The following ARFGAP1 variants were observed in gnomAD, a reference collection of about 807,000 sequenced individuals.
ARFGAP1 encodes ADP-ribosylation factor GTPase-activating protein 1.
Under a neutral mutation model 54.0 loss-of-function variants are expected in ARFGAP1, and 26 were observed. The ratio of observed to expected loss-of-function variants is 0.48; its 90% CI spans 0.35 to 0.67. The LOEUF is 0.67. ARFGAP1 is among the 30% of genes least tolerant of loss of function. ARFGAP1 has a pLI of 0.00. For missense variants in ARFGAP1, 525 were observed against 535.8 expected, an observed-to-expected ratio of 0.98 and a Z score of 0.20; for synonymous variants, 248 against 211.9, an observed-to-expected ratio of 1.17 and a Z score of -1.48.
intron 6 of ARFGAP1, chr20:63,278,608 T>G (rs2067294694): frequency 2.0e-6 from 1 of 494,382 alleles, no homozygotes; most frequent in South Asian, 2.6e-5. Context: ...TATAAATGAA[T>G]TTTTATCCCC....
intron 7 of ARFGAP1, 57 bp downstream of exon 7, chr20:63,279,052 G>A (rs938719675): frequency 7.0e-5 from 109 of 1,555,302 alleles, no homozygotes; most frequent in African/African-American, 2.0e-4. Context: ...CTGAGGGCAC[G>A]ACGGGCCATA....
Position 63,286,351 on chromosome 20 carries a change from C to CCCG in ARFGAP1, c.835-14_835-12dup. The CCCG allele has an allele frequency of 1.2e-6, 2 of 1,613,094 alleles. No homozygotes were observed. Among genetic ancestry groups the CCCG allele is most frequent in the Non-Finnish European group, 1.7e-6 (2 of 1,179,862 alleles). The stretch of plus-strand genomic sequence containing the variant: ...CGACAGGGCCTGCCTAACCTCTCTT[C>CCCG]CCGTCTCCTTCCAGGTCCAGGGAGT... On this transcript the variant is annotated splice_polypyrimidine_tract_variant and intron_variant, in intron 11 of 12. Coordinates refer to ENST00000370283, the MANE Select transcript of ARFGAP1 (RefSeq NM_018209.4).
At chr20:63,287,506 T>C in intron 12 of ARFGAP1, 58 bp from the exon 13 acceptor site, 1 of 1,485,042 alleles carries the variant, frequency 6.7e-7, no homozygotes, top group South Asian at 1.3e-5. Flanking sequence ...GGGCACAGAA[T>C]TCCCAGTGGT....
In ARFGAP1 at chr20:63,276,957, C is replaced by A. The variant is rs1003473123; in HGVS notation, c.343-248C>A. Among the ~76,000 whole-genome samples, 2 of 152,192 alleles carry A rather than the reference C, an allele frequency of 1.3e-5. No individual in the cohort carries two copies. The highest frequency in any genetic ancestry group is 4.8e-5 in the African/African-American group (2 of 41,434). ...GTCTGGAGGCCAAATAGGTGGGTCCCCCTGTGTTGGAAGTTGGAGCTGCAC... is the reference window on the plus strand; with the variant it reads ...GTCTGGAGGCCAAATAGGTGGGTCCACCTGTGTTGGAAGTTGGAGCTGCAC... On this transcript the variant is annotated intron_variant, in intron 4 of 12. Coordinates refer to ENST00000370283, the MANE Select transcript of ARFGAP1 (RefSeq NM_018209.4). This position sits in a 1 kb window ranked among gnomAD's most constrained non-coding sequence, Gnocchi z 5.2.
intron 11 of ARFGAP1, chr20:63,285,930 C>G: frequency 6.7e-7 from 1 of 1,482,312 alleles, no homozygotes; most frequent in Non-Finnish European, 9.0e-7. Context: ...ACTGTCACTT[C>G]TCCCTCTGCT....
Position 63,288,720 on chromosome 20 carries a change from G to A in ARFGAP1, c.*847G>A, listed in dbSNP as rs755932617. On this transcript the variant is annotated 3_prime_UTR_variant, in exon 13 of 13. Transcript: ENST00000370283. ...CCTGTGCGTGGTGCCTGGGTCTAGG[G>A]AAGCTCCAGCCCCAGGATGGGGCTG... is the stretch of plus-strand genomic sequence containing the variant. 222 of 353,098 alleles carry A rather than the reference G, an allele frequency of 6.3e-4. No homozygotes were observed. The highest frequency in any genetic ancestry group is 9.5e-4 in the Non-Finnish European group (169 of 177,400). 21.9% of individuals were successfully genotyped at this position (353,098 alleles called of 1,614,324 possible).
At chr20:63,285,843 C>A in intron 11 of ARFGAP1, 130 bp downstream of exon 11, 1 of 1,463,874 alleles carries the variant, frequency 6.8e-7, no homozygotes, top group Non-Finnish European at 9.4e-7. Context: ...TCCTCTGAGA[C>A]GGGAGGAGAG....
At chr20:63,284,213 C>T in intron 9 of ARFGAP1, 1 of 1,251,960 alleles carries the variant, frequency 8.0e-7, no homozygotes, top group Non-Finnish European at 1.0e-6. Flanking sequence ...CGCAGAGCTG[C>T]TGAGCAGGGT....
chr20:63,278,198 T>C lies in ARFGAP1; in HGVS notation c.525T>C (p.Tyr175=). Residue 175 remains tyrosine, a synonymous_variant, in exon 6 of 13, where the codon TAT becomes TAC. Coordinates refer to ENST00000370283, the MANE Select transcript of ARFGAP1 (RefSeq NM_018209.4). ...EDWLNDDLGS[Y]QGAQGNRYVG... The stretch of plus-strand genomic sequence containing the variant: ...GGCTGAATGATGACCTCGGCTCCTA[T>C]CAAGGGTAAGGACTTGAGAGCTGGG... 1 of 1,613,208 alleles carries C rather than the reference T, an allele frequency of 6.2e-7. No homozygotes were observed. Among genetic ancestry groups the C allele is most frequent in the Non-Finnish European group, 8.5e-7 (1 of 1,179,808 alleles).
At chr20:63,282,171 G>A (rs183524861) in intron 8 of ARFGAP1, among the ~76,000 whole-genome samples, 8 of 152,306 alleles carry the variant, frequency 5.3e-5, no homozygotes, top group Middle Eastern at 3.4e-3. Context: ...GGAAGGCCTG[G>A]GAGGGCCCTG....
chr20:63,277,451 C>G (rs1384600139), intron 5 of ARFGAP1, 146 bp downstream of exon 5: 1 of 696,048 alleles, frequency 1.4e-6, no homozygotes, highest in African/African-American at 1.8e-5. Flanking sequence ...TTTAAAATTG[C>G]CAAAACAATA....
intron 6 of ARFGAP1, 34 bp from the exon 7 acceptor site, chr20:63,278,865 A>G: frequency 6.2e-7 from 1 of 1,608,854 alleles, no homozygotes; most frequent in Non-Finnish European, 8.5e-7. Flanking sequence ...GGTTCATGCC[A>G]GCATCTTCGG....
rs551459878 is a variant in ARFGAP1, at chr20:63,277,598, G to A, written c.443+293G>A. Among the ~76,000 whole-genome samples, 126 of 152,306 alleles carry A rather than the reference G, an allele frequency of 8.3e-4. 1 individual carries two copies. Among genetic ancestry groups the A allele is most frequent in the Non-Finnish European group, 1.7e-3 (116 of 68,020 alleles). On this transcript the variant is annotated intron_variant, in intron 5 of 12. Transcript: ENST00000370283. The stretch of plus-strand genomic sequence containing the variant: ...AGTTCACATCTCCATCTGCTCACGG[G>A]GGTGTTGTCTGCCCTTCCCCAGAGT...
intron 2 of ARFGAP1, 32 bp downstream of exon 2, chr20:63,275,672 G>A (rs1601332411): frequency 2.5e-6 from 4 of 1,606,672 alleles, no homozygotes; most frequent in Middle Eastern, 3.3e-4. Flanking sequence ...CCCGCCCTAA[G>A]GCTTGGTCAG....
chr20:63,279,024 C>G (rs1179144698), intron 7 of ARFGAP1, 29 bp downstream of exon 7: 6 of 1,609,474 alleles, frequency 3.7e-6, no homozygotes, highest in Non-Finnish European at 4.2e-6. Context: ...AGAGCATCTC[C>G]CATGGGCAGA....
At chr20:63,278,089 C>T in intron 5 of ARFGAP1, 28 bp from the exon 6 acceptor site, 2 of 1,611,768 alleles carry the variant, frequency 1.2e-6, no homozygotes, top group Non-Finnish European at 1.7e-6. Flanking sequence ...CAGTTTTGGC[C>T]TTACCAGCCT....
At chr20:63,287,513 T>C (rs759516216) in intron 12 of ARFGAP1, 51 bp from the exon 13 acceptor site, 68 of 1,504,322 alleles carry the variant, frequency 4.5e-5, no homozygotes, top group Non-Finnish European at 5.4e-6. Context: ...GAATTCCCAG[T>C]GGTGGACTGA....
chr20:63,279,090 G>A, intron 7 of ARFGAP1, 95 bp downstream of exon 7: 2 of 1,251,776 alleles, frequency 1.6e-6, no homozygotes, highest in East Asian at 2.4e-5. Context: ...CCTGGAACAT[G>A]TGCTCTTTGC....
Position 63,277,186 on chromosome 20 carries a change from C to T in ARFGAP1, c.343-19C>T, listed in dbSNP as rs2123224427. 3 of 1,607,270 alleles carry T rather than the reference C, an allele frequency of 1.9e-6. No homozygotes were observed. The highest frequency in any genetic ancestry group is 2.2e-5 in the South Asian group (2 of 90,860). The stretch of plus-strand genomic sequence containing the variant: ...CCAGGCGCCTTTATGCTCTCGAATG[C>T]CCTGTGTCTCCTTGTCAGGTGGTCG... On this transcript the variant is annotated intron_variant, in intron 4 of 12. Transcript: ENST00000370283.
Sources: gnomAD v4.1 joint callset for allele counts (sites outside exome capture counted in the v4.1 genomes callset) on GRCh38, gnomAD v4.1.1 for gene constraint, Gnocchi (gnomAD v3.1) non-coding constraint, MANE v1.5 for transcripts, NCBI Gene and HGNC (gene_info 2026-07-23, HGNC 2026-07-21) for gene names.